Variants in NUDCD3 observed in about 807,000 individuals in gnomAD.
NUDCD3 encodes NudC domain containing 3.
A neutral mutation model predicts 39.7 loss-of-function variants in NUDCD3; 13 were observed. The ratio of observed to expected loss-of-function variants is 0.33; its 90% CI spans 0.21 to 0.52. NUDCD3 has a LOEUF of 0.52. Among genes scored for constraint, NUDCD3 ranks in the 20% least tolerant of loss-of-function variants. The pLI is 0.96. For synonymous variants in NUDCD3, 175 were observed against 172.4 expected, an observed-to-expected ratio of 1.02 and a Z score of -0.12; for missense variants, 453 against 458.1, an observed-to-expected ratio of 0.99 and a Z score of 0.10.
At chr7:44,483,619 T>C (rs1175936253) in intron 2 of NUDCD3, among the ~76,000 whole-genome samples, 1 of 152,174 alleles carries the variant, frequency 6.6e-6, no homozygotes, top group Non-Finnish European at 1.5e-5. Flanking sequence ...CAAACAATTG[T>C]TTTCTTCGAA....
chr7:44,391,258 G>C (rs975362546), intron 5 of NUDCD3, among the ~76,000 whole-genome samples: 2 of 152,208 alleles, frequency 1.3e-5, no homozygotes, highest in African/African-American at 2.4e-5. Context: ...ACATGCCCCT[G>C]GTGTGGCAGG....
intron 3 of NUDCD3, among the ~76,000 whole-genome samples, chr7:44,422,396 T>C (rs1411510650): frequency 6.7e-6 from 1 of 150,322 alleles, no homozygotes; most frequent in African/African-American, 2.5e-5. Flanking sequence ...CTAACCAGAA[T>C]AATAAAGAAG....
intron 4 of NUDCD3, among the ~76,000 whole-genome samples, chr7:44,394,492 G>A (rs1798583231): frequency 6.6e-6 from 1 of 152,140 alleles, no homozygotes; most frequent in South Asian, 2.1e-4. Context: ...CTATTCCAGG[G>A]AAGACTTCAG....
At chr7:44,419,895 C>A (rs532514894) in intron 3 of NUDCD3, among the ~76,000 whole-genome samples, 4 of 152,248 alleles carry the variant, frequency 2.6e-5, no homozygotes, top group South Asian at 2.1e-4. Context: ...GAGGAAAAAA[C>A]CAGCACAAAA....
chr7:44,411,909 C>T (rs968728952), intron 3 of NUDCD3, among the ~76,000 whole-genome samples: 1 of 152,218 alleles, frequency 6.6e-6, no homozygotes, highest in Admixed American at 6.5e-5. Flanking sequence ...TGGGGAAATA[C>T]AGAGACGCCT....
chr7:44,403,983 T>C (rs1798771682), intron 4 of NUDCD3, among the ~76,000 whole-genome samples: 1 of 152,170 alleles, frequency 6.6e-6, no homozygotes, highest in East Asian at 1.9e-4. Context: ...GCCCAATTTG[T>C]GAGCGAGTCT....
In NUDCD3 at chr7:44,460,042, A is replaced by G. The variant is rs79190718; in HGVS notation, c.509+24926T>C. On this transcript the variant is annotated intron_variant, in intron 2 of 5. Coordinates refer to ENST00000355451, the MANE Select transcript of NUDCD3 (RefSeq NM_015332.4). Reference sequence around the variant, plus strand: ...GCCCTTTAGTAGACAATGGAATGGTATATTTAGCCTACAACATTAAAGCAG... The same window carrying G: ...GCCCTTTAGTAGACAATGGAATGGTGTATTTAGCCTACAACATTAAAGCAG... Among the ~76,000 whole-genome samples the G allele has an allele frequency of 5.9e-4, 90 of 152,368 alleles. 1 individual carries two copies. In the East Asian group the frequency reaches 0.016, roughly 27 times the overall value.
chr7:44,482,911 GAACCTGCAGGGCTAAAAAAT>G (rs1190311339), intron 2 of NUDCD3, among the ~76,000 whole-genome samples: 2 of 152,082 alleles, frequency 1.3e-5, no homozygotes, highest in African/African-American at 4.8e-5. Context: ...CAATCAAGGG[GAACCTGCAGGGCTAAAAAAT>G]AAACTATCTG....
intron 5 of NUDCD3, among the ~76,000 whole-genome samples, chr7:44,389,761 TA>T (rs1798474144): frequency 2.0e-5 from 3 of 150,820 alleles, no homozygotes; most frequent in African/African-American, 7.3e-5. Flanking sequence ...GCACAGAACA[TA>T]AAGGATGGGG....
At chr7:44,412,421 G>C (rs1798943879) in intron 3 of NUDCD3, among the ~76,000 whole-genome samples, 3 of 152,046 alleles carry the variant, frequency 2.0e-5, no homozygotes, top group Admixed American at 1.3e-4. Flanking sequence ...ATCTAATTTT[G>C]TTCAATTTCA....
At chr7:44,395,864 A>G (rs895150528) in intron 4 of NUDCD3, among the ~76,000 whole-genome samples, 1 of 152,174 alleles carries the variant, frequency 6.6e-6, no homozygotes, top group Non-Finnish European at 1.5e-5. Flanking sequence ...TGTTGTGAAT[A>G]ATGCTGCTAT....
intron 3 of NUDCD3, among the ~76,000 whole-genome samples, chr7:44,408,374 A>G (rs2116878777): frequency 6.6e-6 from 1 of 152,340 alleles, no homozygotes; most frequent in African/African-American, 2.4e-5. Context: ...ATACAGCAGA[A>G]CAGGAAATAA....
At chr7:44,451,333 G>A (rs957116491) in intron 2 of NUDCD3, among the ~76,000 whole-genome samples, 7 of 152,328 alleles carry the variant, frequency 4.6e-5, no homozygotes, top group South Asian at 2.1e-4. Context: ...CTGGGAGCAC[G>A]GGGAAGGGGA....
At chr7:44,487,152 A>G (rs975927902) in intron 1 of NUDCD3, among the ~76,000 whole-genome samples, 6 of 152,210 alleles carry the variant, frequency 3.9e-5, no homozygotes, top group African/African-American at 1.4e-4. Flanking sequence ...TTTTGTCTTA[A>G]AACATACTAA....
intron 3 of NUDCD3, among the ~76,000 whole-genome samples, chr7:44,415,599 C>A (rs981081056): frequency 6.6e-6 from 1 of 152,106 alleles, no homozygotes; most frequent in African/African-American, 2.4e-5. Flanking sequence ...CTTGAGAGAG[C>A]AAGTGTGAAC....
chr7:44,468,068 A>G (rs1374341190), intron 2 of NUDCD3: 2 of 1,612,580 alleles, frequency 1.2e-6, no homozygotes, highest in South Asian at 2.2e-5. Flanking sequence ...GATGCCCAAC[A>G]TTGGTTATGG....
At chr7:44,430,908 C>T (rs892551813) in intron 2 of NUDCD3, among the ~76,000 whole-genome samples, 9 of 152,188 alleles carry the variant, frequency 5.9e-5, no homozygotes, top group African/African-American at 2.2e-4. Flanking sequence ...GGAAAGGGCT[C>T]TGATCACACA....
intron 3 of NUDCD3, among the ~76,000 whole-genome samples, chr7:44,405,322 T>C (rs1489169839): frequency 1.3e-5 from 2 of 152,176 alleles, no homozygotes; most frequent in Non-Finnish European, 2.9e-5. Context: ...GGAACACCTA[T>C]CCCTGCCCCA....
At chr7:44,424,604 G>T (rs1799199823) in intron 3 of NUDCD3, among the ~76,000 whole-genome samples, 1 of 152,212 alleles carries the variant, frequency 6.6e-6, no homozygotes, top group African/African-American at 2.4e-5. Flanking sequence ...TCTCATGCCA[G>T]TTAGAATGGC....
Sources: allele counts gnomAD v4.1 joint callset (sites outside exome capture counted in the v4.1 genomes callset), GRCh38; gene constraint gnomAD v4.1.1; transcripts MANE v1.5; gene names NCBI Gene and HGNC (gene_info 2026-07-23, HGNC 2026-07-21).